The following CDH13 variants were observed in gnomAD, a reference collection of about 807,000 sequenced individuals.
The protein encoded by CDH13 is cadherin-13.
In CDH13, 24 loss-of-function variants were observed where a neutral mutation model predicts 63.8. The observed-to-expected ratio is 0.38, with a 90% CI of 0.27 to 0.53. The LOEUF (loss-of-function observed/expected upper bound fraction) is 0.53, where lower values mean the gene tolerates loss of function less well. Ranked by LOEUF, CDH13 falls within the 20% of genes least tolerant of loss-of-function variation. The pLI is 0.85. For missense variants in CDH13, 1,049 were observed against 903.1 expected (o/e 1.16, Z -2.07); for synonymous variants, 503 against 355.3 (o/e 1.42, Z -4.67).
At chr16:83,180,917 T>G in intron 4 of CDH13, 1 of 1,532,044 alleles carries the variant, frequency 6.5e-7, no homozygotes, top group Non-Finnish European at 8.7e-7. Context: ...ATGAAGGCAT[T>G]ACAGCAGATT....
chr16:82,992,604 T>C (rs1911780131), intron 2 of CDH13, among the ~76,000 whole-genome samples: 1 of 152,196 alleles, frequency 6.6e-6, no homozygotes. Context: ...TAAATGTTTG[T>C]ATGATCAATA....
chr16:83,764,973 C>A (rs532210044), intron 11 of CDH13, among the ~76,000 whole-genome samples: 1 of 152,356 alleles, frequency 6.6e-6, no homozygotes, highest in Admixed American at 6.5e-5. Context: ...CCCCCTACAA[C>A]AACCTTCATC....
At chr16:83,036,996 G>C (rs1916920815) in intron 3 of CDH13, among the ~76,000 whole-genome samples, 1 of 152,190 alleles carries the variant, frequency 6.6e-6, no homozygotes, top group Non-Finnish European at 1.5e-5. Flanking sequence ...AGACCAGGAG[G>C]AGGGATTCTA....
At chr16:82,796,894 T>C (rs925198243) in intron 1 of CDH13, among the ~76,000 whole-genome samples, 3 of 152,238 alleles carry the variant, frequency 2.0e-5, no homozygotes, top group Non-Finnish European at 4.4e-5. Context: ...TGGACCTATG[T>C]GTACTGGGAG....
intron 5 of CDH13, among the ~76,000 whole-genome samples, chr16:83,219,731 T>A (rs1165411008): frequency 6.6e-6 from 1 of 152,226 alleles, no homozygotes; most frequent in East Asian, 1.9e-4. Context: ...GCATATGGAT[T>A]GATTGAGCAA....
At chr16:82,747,285 A>G (rs2034218070) in intron 1 of CDH13, among the ~76,000 whole-genome samples, 2 of 152,218 alleles carry the variant, frequency 1.3e-5, no homozygotes, top group African/African-American at 2.4e-5. Flanking sequence ...TGGAATTGGA[A>G]TCTACAATTA....
rs533206447 is a variant in CDH13, at chr16:83,500,974, C to T, written c.960+14319C>T. On this transcript the variant is annotated intron_variant, in intron 7 of 13. Coordinates refer to ENST00000567109, the MANE Select transcript of CDH13 (RefSeq NM_001257.5). ...GCCTCCGTTAATGTTTTTAAGATTGCAGGGGAAGCATTCCAAATGTTTTCA... is the reference window on the plus strand; with the variant it reads ...GCCTCCGTTAATGTTTTTAAGATTGTAGGGGAAGCATTCCAAATGTTTTCA... Among the ~76,000 whole-genome samples, 17 of 152,238 alleles carry T rather than the reference C, an allele frequency of 1.1e-4. No homozygotes were observed. In the East Asian group the frequency reaches 2.3e-3, roughly 21 times the overall value.
intron 4 of CDH13, among the ~76,000 whole-genome samples, chr16:83,145,003 A>T (rs536552907): frequency 9.8e-5 from 15 of 152,332 alleles, no homozygotes; most frequent in African/African-American, 3.6e-4. Flanking sequence ...CAGATGGCCC[A>T]TGTTGCAAAT....
chr16:82,994,668 A>G (rs565748021), intron 2 of CDH13, among the ~76,000 whole-genome samples: 11 of 152,378 alleles, frequency 7.2e-5, no homozygotes, highest in South Asian at 4.1e-4. Context: ...AGAAAAACGT[A>G]TTAGTCTTTG....
intron 11 of CDH13, among the ~76,000 whole-genome samples, chr16:83,750,012 T>C (rs1371639057): frequency 1.3e-5 from 2 of 152,162 alleles, no homozygotes; most frequent in African/African-American, 4.8e-5. Context: ...AAATAGCTCA[T>C]GTTGGCTGGG....
intron 10 of CDH13, among the ~76,000 whole-genome samples, chr16:83,731,349 T>C (rs111749427): frequency 2.0e-5 from 3 of 152,330 alleles, no homozygotes; most frequent in African/African-American, 7.2e-5. Flanking sequence ...TTTTTAATAA[T>C]AGCTATTCTG....
chr16:83,396,757 G>GATA (rs386385260), intron 6 of CDH13: 2 of 150,572 alleles, frequency 1.3e-5, no homozygotes, highest in African/African-American at 4.9e-5. Context: ...CATCACAAAT[G>GATA]ATGATGATGA....
intron 5 of CDH13, among the ~76,000 whole-genome samples, chr16:83,344,491 A>G (rs1424168): frequency 0.071 from 10,855 of 152,316 alleles, 538 homozygotes; most frequent in Non-Finnish European, 0.11. Context: ...TGCTTAGTCA[A>G]TTATTTTTAT....
intron 2 of CDH13, among the ~76,000 whole-genome samples, chr16:82,871,093 A>G (rs965339318): frequency 2.6e-5 from 4 of 152,224 alleles, no homozygotes; most frequent in African/African-American, 7.2e-5. Context: ...TGTTTCTGTC[A>G]TATCAGTAAC....
chr16:83,775,576 A>G (rs1249756369), intron 11 of CDH13, among the ~76,000 whole-genome samples: 1 of 152,144 alleles, frequency 6.6e-6, no homozygotes, highest in East Asian at 1.9e-4. Flanking sequence ...GTCCCATTCT[A>G]GCTCCATTTC....
chr16:83,385,256 G>T (rs1362250802), intron 6 of CDH13, among the ~76,000 whole-genome samples: 2 of 152,216 alleles, frequency 1.3e-5, no homozygotes, highest in African/African-American at 4.8e-5. Flanking sequence ...TTTTTGTAAG[G>T]CAAGTAAGAT....
At chr16:83,077,080 A>C (rs1412183473) in intron 3 of CDH13, among the ~76,000 whole-genome samples, 2 of 151,560 alleles carry the variant, frequency 1.3e-5, no homozygotes. Flanking sequence ...CATTGGTTCT[A>C]GAATTTTATA....
chr16:83,649,116 G>A (rs1912120576), intron 8 of CDH13, among the ~76,000 whole-genome samples: 2 of 152,108 alleles, frequency 1.3e-5, no homozygotes, highest in South Asian at 2.1e-4. Context: ...CAGCCTCCTC[G>A]CCCCCCATTC....
intron 8 of CDH13, among the ~76,000 whole-genome samples, chr16:83,607,355 G>A (rs1160108399): frequency 6.6e-6 from 1 of 152,078 alleles, no homozygotes; most frequent in Admixed American, 6.5e-5. Context: ...GGGAGTCAGA[G>A]GTTGCAGTGA....
Sources: gnomAD v4.1 joint callset for allele counts (sites outside exome capture counted in the v4.1 genomes callset) on GRCh38, gnomAD v4.1.1 for gene constraint, MANE v1.5 for transcripts, NCBI Gene and HGNC (gene_info 2026-07-23, HGNC 2026-07-21) for gene names.